DCC: variants seen among roughly 807,000 people sequenced by gnomAD.
The protein encoded by DCC is netrin receptor DCC.
Under a neutral mutation model 172.5 loss-of-function variants are expected in DCC, and 58 were observed. That is an observed-to-expected ratio of 0.34 (90% confidence interval 0.27 to 0.42). The LOEUF (loss-of-function observed/expected upper bound fraction) is 0.42, where lower values mean the gene tolerates loss of function less well. Among genes scored for constraint, DCC ranks in the 10% least tolerant of loss-of-function variants. The pLI is 1.00. For missense variants in DCC, 1,740 were observed against 1,791.0 expected, an observed-to-expected ratio of 0.97 and a Z score of 0.51; for synonymous variants, 709 against 644.5, an observed-to-expected ratio of 1.10 and a Z score of -1.52.
At chr18:53,057,030 C>G (rs2144057956) in intron 5 of DCC, among the ~76,000 whole-genome samples, 1 of 138,892 alleles carries the variant, frequency 7.2e-6, no homozygotes, top group East Asian at 2.1e-4. Context: ...TTATTACATA[C>G]CTAAGTAACT....
intron 1 of DCC, among the ~76,000 whole-genome samples, chr18:52,406,017 G>T (rs1444823975): frequency 2.0e-5 from 3 of 147,082 alleles, no homozygotes. Flanking sequence ...AAATAACGCC[G>T]CATATCTACA....
intron 15 of DCC, among the ~76,000 whole-genome samples, chr18:53,384,846 A>AT (rs201400467): frequency 0.07 from 3,927 of 56,426 alleles, 74 homozygotes; most frequent in Middle Eastern, 0.17. Flanking sequence ...TTACCTCAAT[A>AT]ATTTTTTTTT....
At chr18:53,045,421 GT>G (rs2042224482) in intron 5 of DCC, among the ~76,000 whole-genome samples, 2 of 151,732 alleles carry the variant, frequency 1.3e-5, no homozygotes, top group Admixed American at 1.3e-4. Flanking sequence ...AAGAGTATTA[GT>G]CACAGGAGAA....
intron 1 of DCC, among the ~76,000 whole-genome samples, chr18:52,741,966 G>C (rs1316360344): frequency 1.3e-5 from 2 of 152,034 alleles, no homozygotes; most frequent in African/African-American, 4.8e-5. Context: ...AGATCATAAA[G>C]GTAAGTCCCC....
At chr18:53,494,820 ATGTGTGT>A (rs1858444954) in intron 26 of DCC, among the ~76,000 whole-genome samples, 25 of 152,150 alleles carry the variant, frequency 1.6e-4, no homozygotes, top group Admixed American at 1.6e-3. Context: ...TAATATTGTT[ATGTGTGT>A]ATTTAATCCT....
chr18:53,351,350 C>CTGTATATATATAT (rs1568074833), intron 15 of DCC, among the ~76,000 whole-genome samples: 3 of 41,984 alleles, frequency 7.1e-5, no homozygotes, highest in African/African-American at 2.3e-4. Context: ...TATATATATA[C>CTGTATATATATAT]ACAGTATATA....
At chr18:53,019,160 G>A (rs879767851) in intron 5 of DCC, among the ~76,000 whole-genome samples, 4 of 152,248 alleles carry the variant, frequency 2.6e-5, no homozygotes, top group Admixed American at 6.5e-5. Context: ...GAGCTTTCAC[G>A]TAATTCAATA....
At chr18:53,439,769 C>CTTTTTTCTT (rs1555672135) in intron 22 of DCC, among the ~76,000 whole-genome samples, 7 of 127,214 alleles carry the variant, frequency 5.5e-5, no homozygotes, top group Non-Finnish European at 1.2e-4. Context: ...TAGTATTTTT[C>CTTTTTTCTT]TTTTTTTTTT....
intron 2 of DCC, among the ~76,000 whole-genome samples, chr18:52,897,188 G>T (rs949217614): frequency 1.3e-5 from 2 of 152,148 alleles, no homozygotes; most frequent in Non-Finnish European, 2.9e-5. Context: ...TTGCTTCAAG[G>T]ATCTGGAACA....
At chr18:52,514,061 A>T (rs1164958719) in intron 1 of DCC, among the ~76,000 whole-genome samples, 1 of 152,116 alleles carries the variant, frequency 6.6e-6, no homozygotes, top group Non-Finnish European at 1.5e-5. Flanking sequence ...TATTAAAGAA[A>T]TTTTTCTTAA....
At chr18:53,061,772 A>G (rs1303948736) in intron 5 of DCC, among the ~76,000 whole-genome samples, 1 of 152,092 alleles carries the variant, frequency 6.6e-6, no homozygotes, top group Non-Finnish European at 1.5e-5. Flanking sequence ...CTTGTACTTC[A>G]ATCTCTCCAT....
At chr18:52,873,116 A>G (rs2039347781) in intron 2 of DCC, among the ~76,000 whole-genome samples, 1 of 152,178 alleles carries the variant, frequency 6.6e-6, no homozygotes, top group Non-Finnish European at 1.5e-5. Context: ...AAAATATCCT[A>G]CAAAATATCT....
chr18:53,268,470 C>A (rs1338302320), intron 12 of DCC, among the ~76,000 whole-genome samples: 1 of 152,056 alleles, frequency 6.6e-6, no homozygotes, highest in Non-Finnish European at 1.5e-5. Flanking sequence ...CTTCCTTTCA[C>A]CCAGAGAAAT....
At chr18:53,033,487 G>T (rs1368551705) in intron 5 of DCC, among the ~76,000 whole-genome samples, 1 of 152,102 alleles carries the variant, frequency 6.6e-6, no homozygotes, top group African/African-American at 2.4e-5. Flanking sequence ...TGAGAAAATA[G>T]AAGTCATCAG....
At chr18:53,141,148 A>G (rs375364525) in intron 7 of DCC, among the ~76,000 whole-genome samples, 180 of 152,326 alleles carry the variant, frequency 1.2e-3, no homozygotes, top group African/African-American at 4.1e-3. Context: ...TATTGAGTTT[A>G]TAACTAGAGC....
Position 52,618,866 on chromosome 18 carries a change from T to C in DCC, c.92-133188T>C, listed in dbSNP as rs559069800. Among the ~76,000 whole-genome samples, 21 of 152,316 alleles carry C rather than the reference T, an allele frequency of 1.4e-4. No homozygotes were observed. In the South Asian group the frequency reaches 3.5e-3, roughly 26 times the overall value. ...TATATCAACTGCTGTCAAGACAAGA[T>C]TCTCTTGATTATACTTGTCCTATTG... is the stretch of plus-strand genomic sequence containing the variant. On this transcript the variant is annotated intron_variant, in intron 1 of 28. Transcript: ENST00000442544.
At chr18:52,778,486 TA>T (rs1346720931) in intron 2 of DCC, among the ~76,000 whole-genome samples, 2 of 152,120 alleles carry the variant, frequency 1.3e-5, no homozygotes, top group African/African-American at 4.8e-5. Flanking sequence ...TGAAATAACA[TA>T]AAAATAAAGA....
chr18:53,391,545 T>A, intron 16 of DCC, 110 bp from the exon 17 acceptor site: 1 of 746,640 alleles, frequency 1.3e-6, no homozygotes, highest in Non-Finnish European at 2.4e-6. Flanking sequence ...CTTTCATCAT[T>A]ATTGCCATGC....
intron 8 of DCC, among the ~76,000 whole-genome samples, chr18:53,170,300 G>A (rs911504864): frequency 1.3e-5 from 2 of 152,158 alleles, no homozygotes; most frequent in Admixed American, 6.5e-5. Flanking sequence ...TCAGAGAGCA[G>A]TTTCCAGCCC....
Sources: allele counts gnomAD v4.1 joint callset (sites outside exome capture counted in the v4.1 genomes callset), GRCh38; gene constraint gnomAD v4.1.1; transcripts MANE v1.5; gene names NCBI Gene and HGNC (gene_info 2026-07-23, HGNC 2026-07-21).